Variants in SEPHS1 observed in about 807,000 individuals in gnomAD.
The protein encoded by SEPHS1 is zincore component SEPHS1.
A neutral mutation model predicts 39.2 loss-of-function variants in SEPHS1; 7 were observed. The ratio of observed to expected loss-of-function variants is 0.18; its 90% confidence interval spans 0.10 to 0.34. The LOEUF (loss-of-function observed/expected upper bound fraction) is 0.34. Among genes scored for constraint, SEPHS1 ranks in the 10% least tolerant of loss-of-function variants. The probability of loss-of-function intolerance (pLI) is 1.00; values close to 1 mark genes in which losing one functional copy is unlikely to be tolerated. For synonymous variants in SEPHS1, 190 were observed against 195.5 expected (o/e 0.97, Z 0.23); for missense variants, 253 against 514.5 (o/e 0.49, Z 4.92).
rs1052001322 is a variant in SEPHS1, at chr10:13,319,901, G to C, written c.965-545C>G. Reference sequence around the variant, plus strand: ...TCGTGAACCACATAACACTGTGTAGGGGTAAGGTGTTTGGGGCTTCAATAA... The same window carrying C: ...TCGTGAACCACATAACACTGTGTAGCGGTAAGGTGTTTGGGGCTTCAATAA... On this transcript the variant is annotated intron_variant, in intron 8 of 8. Coordinates refer to ENST00000327347, the MANE Select transcript of SEPHS1 (RefSeq NM_012247.5). Among the ~76,000 whole-genome samples the C allele has an allele frequency of 9.2e-5, 14 of 152,142 alleles. 1 individual carries two copies. The highest frequency in any genetic ancestry group is 9.2e-4 in the Admixed American group (14 of 15,280).
Position 13,322,946 on chromosome 10 carries a change from C to T in SEPHS1, c.853G>A (p.Glu285Lys), listed in dbSNP as rs373971793. ...AQNLAKQQRN[E>K]VSFVIHNLPV... ...AGGTTGTGAATTACAAACGACACCT[C>T]GTTCCTCTGCTGCTTGGCCAGGTTC... The change falls in exon 8 of 9, where the codon GAG (glutamate) becomes AAG (lysine). Residue 285 changes from glutamate (E) to lysine (K), a missense_variant. Physicochemically the swap from Glu to Lys is moderately conservative, Grantham distance 56 (BLOSUM62 1). Around this residue, in one of 4 missense-constraint regions of SEPHS1, gnomAD observed 107 missense variants for 257.1 expected, o/e 0.42. Coordinates refer to ENST00000327347, the MANE Select transcript of SEPHS1 (RefSeq NM_012247.5). 6 of 1,613,922 alleles carry T rather than the reference C, an allele frequency of 3.7e-6. No individual in the cohort carries two copies. The highest frequency in any genetic ancestry group is 3.4e-6 in the Non-Finnish European group (4 of 1,179,946).
At chr10:13,332,118 A>ATAAATGG (rs1833490314) in intron 5 of SEPHS1, among the ~76,000 whole-genome samples, 1 of 152,242 alleles carries the variant, frequency 6.6e-6, no homozygotes, top group Non-Finnish European at 1.5e-5. Context: ...AGGTGGAAAC[A>ATAAATGG]ACCCAAAGGT....
Position 13,344,920 on chromosome 10 carries a change from T to C in SEPHS1, c.31A>G (p.Ser11Gly). MSTRESFNPE[S>G]YELDKSFRLT... ...CGGAAGCTTTTGTCCAATTCGTAAC[T>C]TTCCGGGTTAAAGGACTCCCGCGTA... is the stretch of plus-strand genomic sequence containing the variant. Residue 11 changes from serine (S) to glycine (G), a missense_variant, in exon 2 of 9, where the codon AGT becomes GGT. By Grantham distance (56) the Ser-to-Gly change is moderately conservative. Around this residue, in one of 4 missense-constraint regions of SEPHS1, gnomAD observed 123 missense variants for 196.8 expected, o/e 0.62. Transcript: ENST00000327347. 6.3e-7 allele frequency: 1 copy of C among 1,592,212 alleles called. No homozygotes were observed. Among genetic ancestry groups the C allele is most frequent in the Non-Finnish European group, 8.6e-7 (1 of 1,168,202 alleles).
chr10:13,346,000 G>A (rs1220398613), intron 1 of SEPHS1, among the ~76,000 whole-genome samples: 1 of 152,252 alleles, frequency 6.6e-6, no homozygotes, highest in Non-Finnish European at 1.5e-5. Context: ...GCGAAAGCCT[G>A]GAAAGTTCTC....
intron 8 of SEPHS1, 55 bp downstream of exon 8, chr10:13,322,780 T>G: frequency 1.9e-6 from 3 of 1,546,286 alleles, no homozygotes; most frequent in Non-Finnish European, 2.7e-6. Context: ...GCTTTCTCGC[T>G]GAGCTTTCTG....
At position 13,319,051 on chromosome 10, in the gene SEPHS1, A is replaced by G; in HGVS notation, c.*91T>C. 2 of 1,286,890 alleles carry G rather than the reference A, an allele frequency of 1.6e-6. No individual in the cohort carries two copies. Among genetic ancestry groups the G allele is most frequent in the South Asian group, 1.3e-5 (1 of 78,728 alleles). 79.7% of individuals were successfully genotyped at this position (1,286,890 alleles called of 1,614,324 possible). A position where few individuals can be genotyped will look rare whatever the true frequency, so the allele number is the denominator to read the frequency against. ...AAGGTCACCCCGATGTGTAGACACA[A>G]TGAGATTTTTGTTGTTTATAGTCTT... On this transcript the variant is annotated 3_prime_UTR_variant, in exon 9 of 9. Coordinates refer to ENST00000327347, the MANE Select transcript of SEPHS1 (RefSeq NM_012247.5).
intron 3 of SEPHS1, among the ~76,000 whole-genome samples, chr10:13,337,672 C>G (rs1200762910): frequency 6.6e-6 from 1 of 152,118 alleles, no homozygotes; most frequent in African/African-American, 2.4e-5. Flanking sequence ...GGTGATTTAG[C>G]GCCCCTTCTG....
At chr10:13,332,939 C>T (rs910036803) in intron 5 of SEPHS1, among the ~76,000 whole-genome samples, 1 of 151,894 alleles carries the variant, frequency 6.6e-6, no homozygotes, top group South Asian at 2.1e-4. Context: ...TATGCTAATA[C>T]TATGCTAAGT....
intron 2 of SEPHS1, among the ~76,000 whole-genome samples, chr10:13,344,523 T>TA (rs1052673673): frequency 6.0e-5 from 9 of 149,782 alleles, no homozygotes; most frequent in Admixed American, 4.7e-4. Context: ...CCACAAAAAT[T>TA]AAAAAAAAAT....
intron 5 of SEPHS1, 58 bp downstream of exon 5, chr10:13,333,759 A>G (rs1284733428): frequency 1.0e-5 from 16 of 1,570,108 alleles, no homozygotes; most frequent in Non-Finnish European, 1.4e-5. Flanking sequence ...CAATTTTTAA[A>G]AAGAGAGGAC....
chr10:13,344,034 T>C (rs1224824238), intron 2 of SEPHS1, among the ~76,000 whole-genome samples: 1 of 152,128 alleles, frequency 6.6e-6, no homozygotes, highest in African/African-American at 2.4e-5. Flanking sequence ...AGGAATGTAG[T>C]AAAGAAAAAG....
At position 13,344,831 on chromosome 10, in the gene SEPHS1, T is replaced by C. The variant is rs750380818; in HGVS notation, c.120A>G (p.Lys40=). The part of the protein sequence containing the change: ...GCKVPQDVLQ[K]LLESLQENHF... ...GGTTCTCCTGTAAAGATTCCAGCAA[T>C]TTTTGCAGGACATCTTGGGGCACTT... The change falls in exon 2 of 9, where the codon AAA becomes AAG. Residue 40 remains lysine, a synonymous_variant. Coordinates refer to ENST00000327347, the MANE Select transcript of SEPHS1 (RefSeq NM_012247.5). 1 of 1,605,644 alleles carries C rather than the reference T, an allele frequency of 6.2e-7. No individual in the cohort carries two copies. The highest frequency in any genetic ancestry group is 8.5e-7 in the Non-Finnish European group (1 of 1,175,480).
At chr10:13,330,823 T>C (rs1395017941) in intron 5 of SEPHS1, among the ~76,000 whole-genome samples, 2 of 126,602 alleles carry the variant, frequency 1.6e-5, no homozygotes, top group Admixed American at 9.2e-5. Context: ...ATAAAGTTGA[T>C]GTTCTTTTTT....
intron 4 of SEPHS1, among the ~76,000 whole-genome samples, chr10:13,334,604 G>A (rs766406889): frequency 5.3e-5 from 8 of 151,812 alleles, no homozygotes; most frequent in African/African-American, 9.7e-5. Flanking sequence ...CAGCTATTCC[G>A]GAGGCTGAAG....
At chr10:13,345,205 G>A (rs1452367594) in intron 1 of SEPHS1, 177 bp from the exon 2 acceptor site, 2 of 324,132 alleles carry the variant, frequency 6.2e-6, no homozygotes, top group African/African-American at 2.1e-5. Context: ...TAACGGGACT[G>A]CGTCAGCACA....
intron 5 of SEPHS1, among the ~76,000 whole-genome samples, chr10:13,330,466 G>C (rs1422762263): frequency 6.6e-6 from 1 of 152,124 alleles, no homozygotes; most frequent in Non-Finnish European, 1.5e-5. Flanking sequence ...TACTAAAAAG[G>C]CACCTCTAAA....
intron 5 of SEPHS1, among the ~76,000 whole-genome samples, chr10:13,330,346 T>A (rs574127588): frequency 9.8e-5 from 15 of 152,290 alleles, no homozygotes; most frequent in African/African-American, 3.6e-4. Context: ...GTGGGTCTAA[T>A]GTCTTGGTGA....
At chr10:13,338,331 A>G (rs1833698410) in intron 3 of SEPHS1, among the ~76,000 whole-genome samples, 1 of 152,244 alleles carries the variant, frequency 6.6e-6, no homozygotes, top group African/African-American at 2.4e-5. Context: ...TAACATCTCC[A>G]GCCTAAAACA....
chr10:13,329,894 G>T, intron 5 of SEPHS1, 106 bp from the exon 6 acceptor site: 1 of 983,242 alleles, frequency 1.0e-6, no homozygotes, highest in Non-Finnish European at 1.5e-6. Context: ...ATCTGCCTTT[G>T]CATTTACTTA....
Sources: gnomAD v4.1 joint callset for allele counts (sites outside exome capture counted in the v4.1 genomes callset) on GRCh38, gnomAD v4.1.1 for gene constraint, gnomAD v4.1.1 regional missense constraint, MANE v1.5 for transcripts, NCBI Gene and HGNC (gene_info 2026-07-23, HGNC 2026-07-21) for gene names.